CP: variants seen among roughly 807,000 people sequenced by gnomAD.
CP encodes the protein caeruloplasmin.
CP carries 64 observed loss-of-function variants against 122.4 expected under a neutral mutation model. That is an observed-to-expected ratio of 0.52 (90% confidence interval 0.43 to 0.64). CP has a LOEUF of 0.64. CP is among the 30% of genes least tolerant of loss of function. CP has a pLI of 0.00. For synonymous variants in CP, 440 were observed against 436.4 expected (o/e 1.01, Z -0.10); for missense variants, 1,167 against 1,284.4 (o/e 0.91, Z 1.40).
intron 5 of CP, 39 bp downstream of exon 5, chr3:149,207,324 T>G: frequency 6.2e-7 from 1 of 1,613,612 alleles, no homozygotes; most frequent in Non-Finnish European, 8.5e-7. Flanking sequence ...GTAACCACCT[T>G]TTTCAGCTGA....
intron 12 of CP, among the ~76,000 whole-genome samples, chr3:149,184,110 A>G (rs1374582425): frequency 1.6e-5 from 2 of 123,034 alleles, no homozygotes; most frequent in Admixed American, 2.4e-4. Context: ...ATCTCCGCTC[A>G]CTGCAAGCTC....
intron 17 of CP, 51 bp downstream of exon 17, chr3:149,177,789 A>G: frequency 1.3e-6 from 2 of 1,590,876 alleles, no homozygotes; most frequent in African/African-American, 1.3e-5. Flanking sequence ...CTTCACTTGT[A>G]TTAAAACATT....
At chr3:149,209,438 T>C in intron 3 of CP, 54 bp from the exon 4 acceptor site, 2 of 1,542,470 alleles carry the variant, frequency 1.3e-6, no homozygotes, top group South Asian at 1.2e-5. Context: ...TGTATTTTGA[T>C]TTATGTTTTC....
At chr3:149,194,057 A>G (rs1448487207) in intron 9 of CP, among the ~76,000 whole-genome samples, 1 of 152,204 alleles carries the variant, frequency 6.6e-6, no homozygotes, top group Non-Finnish European at 1.5e-5. Context: ...ATAAAAATAC[A>G]TAGCCTCTCG....
intron 2 of CP, among the ~76,000 whole-genome samples, chr3:149,210,883 C>T (rs1024777225): frequency 2.0e-5 from 3 of 152,132 alleles, no homozygotes; most frequent in Non-Finnish European, 2.9e-5. Flanking sequence ...CATCTGTACC[C>T]CCACACACTC....
intron 6 of CP, among the ~76,000 whole-genome samples, chr3:149,202,811 A>G (rs180968619): frequency 0.015 from 2,159 of 146,104 alleles, 54 homozygotes; most frequent in African/African-American, 0.05. Flanking sequence ...GGGTTTCAAC[A>G]TGTTAGCCAG....
At chr3:149,168,435 A>G (rs1201840949), downstream of CP, 1 of 177,126 alleles carries the variant, frequency 5.6e-6, no homozygotes, top group African/African-American at 2.4e-5. Flanking sequence ...ACAGCATAGT[A>G]GTTATTTGAA....
chr3:149,216,845 A>G (rs1312949109), intron 1 of CP, among the ~76,000 whole-genome samples: 1 of 151,606 alleles, frequency 6.6e-6, no homozygotes, highest in African/African-American at 2.4e-5. Flanking sequence ...TAGCTCTTCC[A>G]TACAAGCTGT....
At chr3:149,167,037 C>T (rs565634870) in intron 4 of CP, 3 of 1,610,852 alleles carry the variant, frequency 1.9e-6, no homozygotes, top group African/African-American at 1.3e-5. Flanking sequence ...TTCATAGTCT[C>T]TTATATGTGG....
intron 9 of CP, among the ~76,000 whole-genome samples, chr3:149,191,433 G>A (rs1461439486): frequency 6.6e-6 from 1 of 151,848 alleles, no homozygotes; most frequent in African/African-American, 2.4e-5. Flanking sequence ...CCTAGCACAG[G>A]ATGTTTTTGG....
chr3:149,184,056 T>TG (rs1725982713), intron 12 of CP, among the ~76,000 whole-genome samples: 1 of 142,750 alleles, frequency 7.0e-6, no homozygotes, highest in Non-Finnish European at 1.5e-5. Context: ...TTTTTTTTTT[T>TG]GAGGAGTCTT....
At chr3:149,215,105 C>T (rs1214397914) in intron 1 of CP, among the ~76,000 whole-genome samples, 1 of 152,172 alleles carries the variant, frequency 6.6e-6, no homozygotes, top group East Asian at 1.9e-4. Flanking sequence ...TTACCATGTC[C>T]TATTGGTACA....
At chr3:149,194,874 G>A (rs1726795489) in intron 9 of CP, among the ~76,000 whole-genome samples, 1 of 152,054 alleles carries the variant, frequency 6.6e-6, no homozygotes, top group Non-Finnish European at 1.5e-5. Context: ...TAAAATGATG[G>A]AAAAGAAGAG....
At chr3:149,168,628 T>TA (rs1724670658), downstream of CP, among the ~76,000 whole-genome samples, 1 of 152,188 alleles carries the variant, frequency 6.6e-6, no homozygotes, top group Non-Finnish European at 1.5e-5. Flanking sequence ...AGTTGATTTT[T>TA]AAAATGTAAG....
At chr3:149,172,040 A>T (rs35096694), downstream of CP, 14,306 of 1,576,530 alleles carry the variant, frequency 9.1e-3, 211 homozygotes, top group African/African-American at 0.063. Context: ...AAGTAAGAAG[A>T]GATTGAATGA....
intron 4 of CP, among the ~76,000 whole-genome samples, chr3:149,208,393 T>C (rs1727889550): frequency 6.6e-6 from 1 of 152,168 alleles, no homozygotes; most frequent in Non-Finnish European, 1.5e-5. Context: ...TTTTTGTTAG[T>C]ACACAACAGA....
Position 149,207,444 on chromosome 3 carries a change from C to T in CP, c.955G>A (p.Ala319Thr), listed in dbSNP as rs758712550. The change falls in exon 5 of 19, where the codon GCT (alanine) becomes ACT (threonine). Residue 319 changes from alanine (A) to threonine (T), a missense_variant. This residue lies in a region of CP where 642 missense variants were observed against 627.3 expected (regional missense o/e 1.02). Coordinates refer to ENST00000264613, the MANE Select transcript of CP (RefSeq NM_000096.4). ...ACCATATAAGCATCAAACAGGGTAG[C>T]AGGAAAGAGGTTGATTGTGTCAATA... ...YRIDTINLFP[A>T]TLFDAYMVAQ... The T allele has an allele frequency of 6.2e-7, 1 of 1,613,988 alleles. No individual in the cohort carries two copies. Among genetic ancestry groups the T allele is most frequent in the Non-Finnish European group, 8.5e-7 (1 of 1,179,888 alleles).
downstream of CP, chr3:149,167,923 C>G (rs753830955): frequency 1.5e-5 from 24 of 1,607,268 alleles, no homozygotes; most frequent in Non-Finnish European, 2.0e-5. Context: ...GTTGCCTGAA[C>G]TTTGTCAGAG....
In CP at chr3:149,178,426, T is replaced by C; in HGVS notation, c.2867A>G (p.Asn956Ser). The C allele has an allele frequency of 6.2e-7, 1 of 1,604,040 alleles. No homozygotes were observed. The highest frequency in any genetic ancestry group is 8.5e-7 in the Non-Finnish European group (1 of 1,171,038). The change falls in exon 16 of 19, where the codon AAT becomes AGT. Residue 956 changes from asparagine to serine, a missense_variant. Physicochemically the swap from Asn to Ser is conservative, Grantham distance 46. This residue lies in a region of CP where 525 missense variants were observed against 657.2 expected (regional missense o/e 0.80). Coordinates refer to ENST00000264613, the MANE Select transcript of CP (RefSeq NM_000096.4). ...NKDDEEFIES[N>S]KMHAINGRMF... is the part of the protein sequence containing the mutation. ...ATAATGTGACATACCATGCATTTTA[T>C]TGCTTTCTATGAATTCCTCATCATC...
Sources: allele counts gnomAD v4.1 joint callset (sites outside exome capture counted in the v4.1 genomes callset), GRCh38; gene constraint gnomAD v4.1.1; regional missense constraint gnomAD v4.1.1; transcripts MANE v1.5; gene names NCBI Gene and HGNC (gene_info 2026-07-23, HGNC 2026-07-21).